Variants in DNAJC7 observed in about 807,000 individuals in gnomAD.
DNAJC7 encodes the protein DnaJ heat shock protein family (Hsp40) member C7.
In DNAJC7, 18 loss-of-function variants were observed where a neutral mutation model predicts 67.4. The observed-to-expected ratio is 0.27, with a 90% CI of 0.18 to 0.40. The LOEUF is 0.40. DNAJC7 is among the 10% of genes least tolerant of loss of function. The probability of loss-of-function intolerance (pLI) is 1.00; values close to 1 mark genes in which losing one functional copy is unlikely to be tolerated. For missense variants in DNAJC7, 419 were observed against 613.8 expected (o/e 0.68, Z 3.35); for synonymous variants, 220 against 207.8 (o/e 1.06, Z -0.50).
chr17:41,981,650 C>T (rs2051255492), intron 12 of DNAJC7: 2 of 637,248 alleles, frequency 3.1e-6, no homozygotes, highest in South Asian at 4.4e-5. Context: ...TCCAAGCCTT[C>T]CCTTGCTAGT....
At chr17:41,976,947 A>T in intron 13 of DNAJC7, 177 bp from the exon 14 acceptor site, 2 of 716,604 alleles carry the variant, frequency 2.8e-6, no homozygotes, top group Non-Finnish European at 4.6e-6. Context: ...TGACTGTATT[A>T]TACATGGGTA....
At chr17:41,991,703 G>C (rs1281917057) in intron 5 of DNAJC7, among the ~76,000 whole-genome samples, 1 of 152,108 alleles carries the variant, frequency 6.6e-6, no homozygotes, top group Non-Finnish European at 1.5e-5. Flanking sequence ...TTTTGAGATG[G>C]GGTCTTGCTC....
intron 2 of DNAJC7, among the ~76,000 whole-genome samples, chr17:41,999,223 C>A (rs1388471203): frequency 6.6e-6 from 1 of 151,792 alleles, no homozygotes; most frequent in African/African-American, 2.4e-5. Context: ...GCTGGGATTA[C>A]AAGCGCCCAC....
At chr17:41,977,803 T>C (rs1233294087) in intron 12 of DNAJC7, 1 of 154,114 alleles carries the variant, frequency 6.5e-6, no homozygotes, top group Non-Finnish European at 1.4e-5. Flanking sequence ...AAAGCTATGG[T>C]TTATTAGCTG....
At chr17:41,986,296 G>A (rs1567957169) in intron 9 of DNAJC7, among the ~76,000 whole-genome samples, 1 of 151,954 alleles carries the variant, frequency 6.6e-6, no homozygotes, top group Non-Finnish European at 1.5e-5. Flanking sequence ...AACTCAGGAG[G>A]TGGAGGTTGC....
At chr17:42,002,661 C>A (rs1432738642) in intron 1 of DNAJC7, among the ~76,000 whole-genome samples, 1 of 152,158 alleles carries the variant, frequency 6.6e-6, no homozygotes, top group Non-Finnish European at 1.5e-5. Flanking sequence ...CAGGATGTTA[C>A]CCATGTTTGT....
chr17:41,987,751 A>G (rs2051419596), intron 9 of DNAJC7, 68 bp downstream of exon 9: 3 of 1,375,560 alleles, frequency 2.2e-6, no homozygotes, highest in Non-Finnish European at 3.0e-6. Context: ...CTGCTTCGTC[A>G]TCCACAAGGC....
At chr17:41,983,174 G>C (rs1404951068) in intron 10 of DNAJC7, among the ~76,000 whole-genome samples, 1 of 151,938 alleles carries the variant, frequency 6.6e-6, no homozygotes, top group African/African-American at 2.4e-5. Flanking sequence ...ACCCAGGCTG[G>C]AGTATAGTCG....
rs565513795 is a variant in DNAJC7, at chr17:41,978,736, C to T, written c.1385-1413G>A. Among the ~76,000 whole-genome samples, 11 of 152,146 alleles carry T rather than the reference C, an allele frequency of 7.2e-5. No individual in the cohort carries two copies. In the South Asian group the frequency reaches 1.5e-3, roughly 20 times the overall value. ...AAAAATAAAATAAAATAAAATTAGC[C>T]GGGCGTGGTGGCAGGTGCCTGTAGT... On this transcript the variant is annotated intron_variant, in intron 12 of 13. Coordinates refer to ENST00000457167, the MANE Select transcript of DNAJC7 (RefSeq NM_003315.4).
chr17:41,999,728 A>C (rs1487084732), intron 2 of DNAJC7, among the ~76,000 whole-genome samples: 1 of 152,130 alleles, frequency 6.6e-6, no homozygotes, highest in Non-Finnish European at 1.5e-5. Context: ...CATGTTAGCC[A>C]GGCCGGTCTC....
At chr17:41,994,538 A>C (rs1475572670) in intron 5 of DNAJC7, among the ~76,000 whole-genome samples, 1 of 151,536 alleles carries the variant, frequency 6.6e-6, no homozygotes, top group Non-Finnish European at 1.5e-5. Context: ...AAAAAAAAAA[A>C]AAAAAAAGAT....
intron 6 of DNAJC7, among the ~76,000 whole-genome samples, chr17:41,989,923 G>C (rs557485277): frequency 6.6e-6 from 1 of 152,340 alleles, no homozygotes; most frequent in South Asian, 2.1e-4. Flanking sequence ...TGAGTTAGTT[G>C]CAACAGAGAC....
At chr17:41,998,873 A>C (rs1288024707) in intron 2 of DNAJC7, among the ~76,000 whole-genome samples, 2 of 152,138 alleles carry the variant, frequency 1.3e-5, no homozygotes, top group Non-Finnish European at 2.9e-5. Flanking sequence ...CAAAAGAAAA[A>C]CTACCCACCC....
chr17:42,009,501 A>G (rs1598152719), intron 1 of DNAJC7, among the ~76,000 whole-genome samples: 1 of 152,210 alleles, frequency 6.6e-6, no homozygotes, highest in Non-Finnish European at 1.5e-5. Flanking sequence ...AAATCCCATC[A>G]CTGCAGGCAG....
chr17:42,017,216 G>T (rs950668043), intron 1 of DNAJC7, 124 bp downstream of exon 1: 4 of 1,591,286 alleles, frequency 2.5e-6, no homozygotes, highest in Non-Finnish European at 2.6e-6. Flanking sequence ...GATCTCAGAT[G>T]GGGGGGTGTT....
intron 1 of DNAJC7, chr17:42,016,240 A>G (rs1415824142): frequency 1.3e-5 from 2 of 152,182 alleles, no homozygotes; most frequent in East Asian, 1.9e-4. Flanking sequence ...AGTACTTCTT[A>G]TATTTCGAAC....
intron 12 of DNAJC7, chr17:41,981,487 C>T (rs2051249401): frequency 5.5e-6 from 1 of 181,758 alleles, no homozygotes; most frequent in African/African-American, 2.4e-5. Flanking sequence ...AGCCACCGCG[C>T]CCAGCCTAAT....
intron 1 of DNAJC7, among the ~76,000 whole-genome samples, chr17:42,000,772 C>T (rs1394742485): frequency 6.6e-6 from 1 of 152,152 alleles, no homozygotes; most frequent in Non-Finnish European, 1.5e-5. Flanking sequence ...TTCAGATGCT[C>T]CTTTTTGTCA....
At chr17:42,000,428 T>C in intron 2 of DNAJC7, 54 bp downstream of exon 2, 1 of 1,425,910 alleles carries the variant, frequency 7.0e-7, no homozygotes, top group Non-Finnish European at 9.7e-7. Flanking sequence ...CAGCTACTTT[T>C]AATAATATTT....
Sources: gnomAD v4.1 joint callset for allele counts (sites outside exome capture counted in the v4.1 genomes callset) on GRCh38, gnomAD v4.1.1 for gene constraint, MANE v1.5 for transcripts, NCBI Gene and HGNC (gene_info 2026-07-23, HGNC 2026-07-21) for gene names.